SVIL: variants seen among roughly 807,000 people sequenced by gnomAD.
The protein encoded by SVIL is archvillin.
SVIL carries 101 observed loss-of-function variants against 240.4 expected under a neutral mutation model. The ratio of observed to expected loss-of-function variants is 0.42; its 90% CI spans 0.36 to 0.50. The LOEUF (loss-of-function observed/expected upper bound fraction) is 0.50, where lower values mean the gene tolerates loss of function less well. SVIL is among the 20% of genes least tolerant of loss of function. The pLI is 0.01. For synonymous variants in SVIL, 999 were observed against 1,100.0 expected, an observed-to-expected ratio of 0.91 and a Z score of 1.82; for missense variants, 2,512 against 2,818.7, an observed-to-expected ratio of 0.89 and a Z score of 2.46.
At chr10:29,541,674 C>T (rs542345090) in intron 6 of SVIL, among the ~76,000 whole-genome samples, 20 of 151,524 alleles carry the variant, frequency 1.3e-4, no homozygotes, top group African/African-American at 4.9e-4. Context: ...ATGCTGGAAT[C>T]TGAGGAAGGT....
intron 2 of SVIL, among the ~76,000 whole-genome samples, chr10:29,677,771 A>G (rs985097006): frequency 2.6e-5 from 4 of 152,130 alleles, no homozygotes; most frequent in African/African-American, 9.7e-5. Context: ...TTCCATAAGG[A>G]AAGAGGGAAA....
chr10:29,538,109 T>C (rs555843877), intron 6 of SVIL, among the ~76,000 whole-genome samples: 4 of 152,336 alleles, frequency 2.6e-5, no homozygotes, highest in Admixed American at 1.3e-4. Context: ...CAAGTTCCTA[T>C]AACGAATCTG....
chr10:29,574,285 G>A (rs1409134405), intron 1 of SVIL, among the ~76,000 whole-genome samples: 1 of 152,224 alleles, frequency 6.6e-6, no homozygotes, highest in Non-Finnish European at 1.5e-5. Flanking sequence ...GTAAAACTGT[G>A]TGCCTGGGAG....
intron 1 of SVIL, among the ~76,000 whole-genome samples, chr10:29,573,348 A>G (rs910023021): frequency 4.6e-5 from 7 of 152,194 alleles, no homozygotes; most frequent in Non-Finnish European, 1.0e-4. Context: ...TGATTTAAAT[A>G]TGACATAGTT....
chr10:29,621,818 C>G (rs1957653969), intron 1 of SVIL, among the ~76,000 whole-genome samples: 1 of 151,218 alleles, frequency 6.6e-6, no homozygotes. Context: ...TGAGGAAAAG[C>G]TAAATATATG....
chr10:29,464,238 A>G (rs1944619591), intron 34 of SVIL, among the ~76,000 whole-genome samples: 1 of 151,992 alleles, frequency 6.6e-6, no homozygotes, highest in Non-Finnish European at 1.5e-5. Flanking sequence ...GAGGTTGAAG[A>G]CCAGCCTGGG....
intron 1 of SVIL, among the ~76,000 whole-genome samples, chr10:29,577,962 T>C (rs1955777919): frequency 6.6e-6 from 1 of 152,170 alleles, no homozygotes; most frequent in South Asian, 2.1e-4. Flanking sequence ...ATTAATATTG[T>C]TAAAGTTAAT....
Position 29,535,090 on chromosome 10 carries a change from C to A in SVIL, c.908+899G>T, listed in dbSNP as rs150011557. Among the ~76,000 whole-genome samples, 453 of 152,140 alleles carry A rather than the reference C, an allele frequency of 3.0e-3. 2 individuals carry two copies. Among genetic ancestry groups the A allele is most frequent in the Middle Eastern group, 0.01 (3 of 294 alleles). On this transcript the variant is annotated intron_variant, in intron 7 of 37. Coordinates refer to ENST00000355867, the MANE Select transcript of SVIL (RefSeq NM_021738.3). ...AATAGTTTATTTAATGACAAGTGCA[C>A]CCTGCTAAATTTGATAAAAACTCCT...
At chr10:29,700,969 G>A (rs1183871435) in intron 1 of SVIL, among the ~76,000 whole-genome samples, 1 of 152,190 alleles carries the variant, frequency 6.6e-6, no homozygotes, top group Non-Finnish European at 1.5e-5. Flanking sequence ...CCAGCTGGTA[G>A]GGCCACCTTC....
chr10:29,680,476 AG>A (rs1960549374), intron 2 of SVIL, among the ~76,000 whole-genome samples: 2 of 152,340 alleles, frequency 1.3e-5, no homozygotes, highest in Admixed American at 6.5e-5. Context: ...GCGCATGGGC[AG>A]GGGGCCGTGG....
Position 29,563,273 on chromosome 10 carries a change from G to A in SVIL, c.-123C>T, listed in dbSNP as rs575158259. The A allele has an allele frequency of 8.6e-5, 85 of 985,770 alleles. No individual in the cohort carries two copies. The South Asian group carries it at 3.2e-3, about 38-fold the overall frequency. The allele number at this position is 985,770 out of a possible 1,614,324, so 61.1% of individuals were successfully genotyped here. ...TTAGCGAGCTGTTCTTTATCTTCGAGTGAGAACTCCTTCTGAAAGCTAAAA... is the reference window on the plus strand; with the variant it reads ...TTAGCGAGCTGTTCTTTATCTTCGAATGAGAACTCCTTCTGAAAGCTAAAA... On this transcript the variant is annotated 5_prime_UTR_variant, in exon 3 of 38. Coordinates refer to ENST00000355867, the MANE Select transcript of SVIL (RefSeq NM_021738.3).
At chr10:29,682,464 C>T (rs970740057) in intron 2 of SVIL, among the ~76,000 whole-genome samples, 2 of 152,180 alleles carry the variant, frequency 1.3e-5, no homozygotes, top group African/African-American at 4.8e-5. Flanking sequence ...CATAAAGTAG[C>T]AACCAAAACA....
At chr10:29,679,640 C>T (rs1034419487) in intron 2 of SVIL, among the ~76,000 whole-genome samples, 5 of 150,738 alleles carry the variant, frequency 3.3e-5, no homozygotes, top group African/African-American at 7.3e-5. Context: ...ACTGCAGCCT[C>T]GTCTGCCCAA....
chr10:29,642,086 C>T (rs1274068306), intron 3 of SVIL, among the ~76,000 whole-genome samples: 1 of 152,028 alleles, frequency 6.6e-6, no homozygotes, highest in African/African-American at 2.4e-5. Context: ...GAATGCCTTT[C>T]CACCCTTCTC....
At chr10:29,503,794 T>A (rs1949071690) in intron 17 of SVIL, among the ~76,000 whole-genome samples, 1 of 152,224 alleles carries the variant, frequency 6.6e-6, no homozygotes, top group East Asian at 1.9e-4. Flanking sequence ...GAGCTGTACA[T>A]TCGATGCAGT....
chr10:29,478,983 T>C (rs1946530702), intron 29 of SVIL, among the ~76,000 whole-genome samples: 1 of 148,406 alleles, frequency 6.7e-6, no homozygotes, highest in African/African-American at 2.5e-5. Context: ...GTCCCTCCCA[T>C]TGGGGGTCCT....
chr10:29,630,922 AC>A (rs1467458329), intron 1 of SVIL, among the ~76,000 whole-genome samples: 1 of 152,124 alleles, frequency 6.6e-6, no homozygotes, highest in Non-Finnish European at 1.5e-5. Flanking sequence ...ACTGGGCTAG[AC>A]CCTGGGGGTG....
chr10:29,657,605 A>G (rs1959044437), intron 3 of SVIL, among the ~76,000 whole-genome samples: 1 of 152,036 alleles, frequency 6.6e-6, no homozygotes, highest in East Asian at 1.9e-4. Flanking sequence ...GCTCCTATGT[A>G]AAGGTCCTAT....
intron 1 of SVIL, among the ~76,000 whole-genome samples, chr10:29,580,609 C>G (rs1305412866): frequency 6.6e-6 from 1 of 152,196 alleles, no homozygotes; most frequent in Non-Finnish European, 1.5e-5. Context: ...AATGAAAGCA[C>G]TCCCAGTCTA....
Sources: allele counts gnomAD v4.1 joint callset (sites outside exome capture counted in the v4.1 genomes callset), GRCh38; gene constraint gnomAD v4.1.1; transcripts MANE v1.5; gene names NCBI Gene and HGNC (gene_info 2026-07-23, HGNC 2026-07-21).